The following STXBP5L variants were observed in gnomAD, a reference collection of about 807,000 sequenced individuals.
STXBP5L encodes the protein syntaxin-binding protein 5-like.
Under a neutral mutation model 144.5 loss-of-function variants are expected in STXBP5L, and 65 were observed. The observed-to-expected ratio is 0.45, with a 90% CI of 0.37 to 0.55. The LOEUF is 0.55. Among genes scored for constraint, STXBP5L ranks in the 20% least tolerant of loss-of-function variants. The pLI is 0.00. For synonymous variants in STXBP5L, 505 were observed against 469.6 expected, an observed-to-expected ratio of 1.08 and a Z score of -0.97; for missense variants, 1,298 against 1,405.5, an observed-to-expected ratio of 0.92 and a Z score of 1.22.
chr3:120,919,648 C>T (rs1289610157), intron 2 of STXBP5L, among the ~76,000 whole-genome samples: 1 of 151,876 alleles, frequency 6.6e-6, no homozygotes, highest in Non-Finnish European at 1.5e-5. Flanking sequence ...TGCCACAGCT[C>T]CCCACTAGCT....
chr3:121,417,005 T>C (rs537087792), intron 25 of STXBP5L, among the ~76,000 whole-genome samples: 4 of 152,342 alleles, frequency 2.6e-5, no homozygotes, highest in Admixed American at 2.6e-4. Context: ...GACGTACTGA[T>C]ACATGGTACA....
At chr3:121,052,840 G>C (rs1303836634) in intron 5 of STXBP5L, among the ~76,000 whole-genome samples, 1 of 152,284 alleles carries the variant, frequency 6.6e-6, no homozygotes, top group African/African-American at 2.4e-5. Flanking sequence ...TGTGTATCTA[G>C]AAAACCCCAT....
rs1039463313 is a variant in STXBP5L at position 120,944,092 on chromosome 3, A to G, written c.190-10848A>G. The stretch of plus-strand genomic sequence containing the variant: ...AAAGTAAAAGAGTAGTAGTTAGTAG[A>G]GACTGAACAGTTAGGATTTTTTTTT... On this transcript the variant is annotated intron_variant, in intron 2 of 26. Transcript: ENST00000471454. Among the ~76,000 whole-genome samples the G allele has an allele frequency of 2.0e-5, 3 of 151,638 alleles. No homozygotes were observed. The Admixed American group carries it at 2.0e-4, about 10-fold the overall frequency.
At chr3:121,311,617 T>C (rs999303161) in intron 19 of STXBP5L, among the ~76,000 whole-genome samples, 2 of 151,942 alleles carry the variant, frequency 1.3e-5, no homozygotes, top group Non-Finnish European at 2.9e-5. Flanking sequence ...ATAAAATACT[T>C]AGGAATCCAA....
chr3:121,367,790 C>CTTTTTTTTTTTTT (rs200992044), intron 20 of STXBP5L, among the ~76,000 whole-genome samples: 85 of 106,286 alleles, frequency 8.0e-4, no homozygotes, highest in African/African-American at 9.4e-4. Context: ...TTTGCTTTTC[C>CTTTTTTTTTTTTT]TTTTTTTTTT....
At chr3:121,150,956 C>T (rs1032729862) in intron 7 of STXBP5L, among the ~76,000 whole-genome samples, 2 of 152,008 alleles carry the variant, frequency 1.3e-5, no homozygotes, top group Non-Finnish European at 2.9e-5. Flanking sequence ...GGTGTGGTGG[C>T]AGATGCCTGT....
intron 20 of STXBP5L, among the ~76,000 whole-genome samples, chr3:121,350,453 C>T (rs538693084): frequency 1.3e-5 from 2 of 152,150 alleles, no homozygotes; most frequent in South Asian, 2.1e-4. Flanking sequence ...TTGCTCTTCT[C>T]GAGGAGTATC....
At chr3:121,080,287 G>T (rs2042196067) in intron 5 of STXBP5L, among the ~76,000 whole-genome samples, 2 of 152,026 alleles carry the variant, frequency 1.3e-5, no homozygotes, top group Admixed American at 6.6e-5. Context: ...CTGCCATTCT[G>T]TATCTTTTAA....
At chr3:121,335,827 G>A (rs530863803) in intron 20 of STXBP5L, among the ~76,000 whole-genome samples, 1 of 152,236 alleles carries the variant, frequency 6.6e-6, no homozygotes, top group East Asian at 1.9e-4. Flanking sequence ...TGGAAGTCAA[G>A]CTGGGCAGTA....
At position 121,259,139 on chromosome 3, in the gene STXBP5L, T is replaced by G; in HGVS notation, c.1929T>G (p.Thr643=). The change falls in exon 18 of 27, where the codon ACT becomes ACG. Residue 643 remains threonine, a synonymous_variant. Transcript: ENST00000471454. ...WVDGEPPQQI[T]SLAVSSAYGI... is the part of the protein sequence containing the mutation. The stretch of plus-strand genomic sequence containing the variant: ...ATGGTGAACCTCCACAACAGATTAC[T>G]AGTCTTGCTGTAAGCTCAGCATATG... The G allele has an allele frequency of 6.3e-7, 1 of 1,596,800 alleles. No homozygotes were observed. Among genetic ancestry groups the G allele is most frequent in the Non-Finnish European group, 8.5e-7 (1 of 1,170,340 alleles).
At chr3:120,938,891 C>T (rs1710408073) in intron 2 of STXBP5L, among the ~76,000 whole-genome samples, 1 of 152,074 alleles carries the variant, frequency 6.6e-6, no homozygotes. Flanking sequence ...AGGGATCCTC[C>T]CACCTCATCC....
intron 5 of STXBP5L, among the ~76,000 whole-genome samples, chr3:121,048,789 G>A (rs1006249729): frequency 2.0e-5 from 3 of 151,870 alleles, no homozygotes; most frequent in East Asian, 1.9e-4. Context: ...TGGTTTGAGC[G>A]ATTATCCTGC....
intron 11 of STXBP5L, among the ~76,000 whole-genome samples, chr3:121,232,328 C>T (rs1029336098): frequency 6.6e-6 from 1 of 151,974 alleles, no homozygotes; most frequent in Non-Finnish European, 1.5e-5. Context: ...GACAAGGCTC[C>T]CTAGTGGAAG....
chr3:120,960,372 C>G (rs1204910471), intron 3 of STXBP5L, among the ~76,000 whole-genome samples: 2 of 152,148 alleles, frequency 1.3e-5, no homozygotes, highest in African/African-American at 2.4e-5. Context: ...GGATCTAGAA[C>G]TAGAAATACC....
chr3:121,048,410 G>A (rs1947675134), intron 5 of STXBP5L, among the ~76,000 whole-genome samples: 1 of 152,056 alleles, frequency 6.6e-6, no homozygotes, highest in Non-Finnish European at 1.5e-5. Flanking sequence ...GGCTGGGGAC[G>A]TTTTCATGGG....
intron 3 of STXBP5L, among the ~76,000 whole-genome samples, chr3:121,010,871 T>A (rs1944723272): frequency 6.6e-6 from 1 of 151,532 alleles, no homozygotes; most frequent in Non-Finnish European, 1.5e-5. Context: ...GAGAAGGAGA[T>A]GGAAGAGAAG....
At chr3:121,193,955 A>G (rs768320138) in intron 9 of STXBP5L, among the ~76,000 whole-genome samples, 12 of 121,228 alleles carry the variant, frequency 9.9e-5, no homozygotes, top group East Asian at 2.6e-4. Context: ...CATGTACACT[A>G]GAAGTTAACA....
At chr3:121,033,750 GAT>G (rs1458569752) in intron 3 of STXBP5L, among the ~76,000 whole-genome samples, 1 of 151,632 alleles carries the variant, frequency 6.6e-6, no homozygotes, top group Non-Finnish European at 1.5e-5. Flanking sequence ...ATAATTGAAA[GAT>G]AAATTATAGT....
intron 22 of STXBP5L, among the ~76,000 whole-genome samples, chr3:121,405,404 T>C (rs1471224213): frequency 1.3e-5 from 2 of 152,136 alleles, no homozygotes; most frequent in Non-Finnish European, 2.9e-5. Flanking sequence ...GTAAGTTTTA[T>C]GAAGGCAGGG....
Sources: gnomAD v4.1 joint callset for allele counts (sites outside exome capture counted in the v4.1 genomes callset) on GRCh38, gnomAD v4.1.1 for gene constraint, MANE v1.5 for transcripts, NCBI Gene and HGNC (gene_info 2026-07-23, HGNC 2026-07-21) for gene names.